PEMT: variants seen among roughly 807,000 people sequenced by gnomAD.
PEMT encodes the protein phosphatidylethanolamine N-methyltransferase, also known as phospholipid methyltransferase.
PEMT carries 23 observed loss-of-function variants against 27.4 expected under a neutral mutation model. The ratio of observed to expected loss-of-function variants is 0.84; its 90% CI spans 0.60 to 1.19. The LOEUF is 1.19. Ranked by LOEUF, PEMT falls within the 50% of genes most tolerant of loss-of-function variation. The probability of loss-of-function intolerance (pLI) is 0.00; values close to 1 mark genes in which losing one functional copy is unlikely to be tolerated. For missense variants in PEMT, 307 were observed against 310.1 expected (o/e 0.99, Z 0.07); for synonymous variants, 137 against 139.1 (o/e 0.98, Z 0.11).
intron 1 of PEMT, among the ~76,000 whole-genome samples, chr17:17,587,271 C>T (rs1418456500): frequency 3.3e-5 from 5 of 151,968 alleles, no homozygotes; most frequent in Admixed American, 1.3e-4. Context: ...ACTGACCTCA[C>T]AAACATTAAA....
chr17:17,570,853 G>T, intron 2 of PEMT: 1 of 985,398 alleles, frequency 1.0e-6, no homozygotes, highest in Non-Finnish European at 1.2e-6. Flanking sequence ...GTCCGCGAGG[G>T]TACAGATCCG....
At chr17:17,591,366 C>T (rs1218562688) in intron 1 of PEMT, 165 bp downstream of exon 1, 50 of 622,016 alleles carry the variant, frequency 8.0e-5, no homozygotes, top group Non-Finnish European at 1.1e-4. Flanking sequence ...CAGACACCAG[C>T]CGGCGCTCCC....
chr17:17,519,743 G>A (rs961217547), intron 3 of PEMT, among the ~76,000 whole-genome samples: 1 of 152,184 alleles, frequency 6.6e-6, no homozygotes, highest in Non-Finnish European at 1.5e-5. Context: ...GGAGGTGATG[G>A]GGAGGACTCA....
Position 17,591,673 on chromosome 17 carries a change from G to T in PEMT, c.-47C>A. 2 of 1,579,658 alleles carry T rather than the reference G, an allele frequency of 1.3e-6. No homozygotes were observed. Among genetic ancestry groups the T allele is most frequent in the Non-Finnish European group, 1.7e-6 (2 of 1,163,206 alleles). On this transcript the variant is annotated 5_prime_UTR_variant, in exon 1 of 7. Transcript: ENST00000255389. The stretch of plus-strand genomic sequence containing the variant: ...ACCACGCGGGCCCCGCTGCAGCCAC[G>T]CGCCCCCGGAACCGGACCTATAGAG...
At chr17:17,572,831 T>C (rs906559219) in intron 2 of PEMT, among the ~76,000 whole-genome samples, 2 of 152,240 alleles carry the variant, frequency 1.3e-5, no homozygotes, top group Admixed American at 6.5e-5. Context: ...TGACATGCAC[T>C]GGGCACAACA....
At chr17:17,536,685 G>A (rs570981740) in intron 2 of PEMT, among the ~76,000 whole-genome samples, 32 of 152,206 alleles carry the variant, frequency 2.1e-4, no homozygotes, top group Non-Finnish European at 4.4e-4. Context: ...TCACCCAGTG[G>A]GAAAGTCAAT....
In PEMT at chr17:17,522,377, T is replaced by C. The variant is rs1026563261; in HGVS notation, c.223A>G (p.Lys75Glu). The C allele has an allele frequency of 3.7e-6, 6 of 1,612,872 alleles. No individual in the cohort carries two copies. In the African/African-American group the frequency reaches 6.7e-5, roughly 18 times the overall value. The change falls in exon 3 of 7, where the codon AAG becomes GAG. Residue 75 changes from lysine (K) to glutamate (E), a missense_variant. Transcript: ENST00000255389. ...YWNVVARWEH[K>E]TRKLSRAFGS... ...AAGGCCCTGCTCAGCTTGCGGGTCT[T>C]GTGTTCCCATCGTGCAACCTAAACC...
rs964385906 is a variant in PEMT, at chr17:17,512,085, G to A, written c.466+424C>T. On this transcript the variant is annotated intron_variant, in intron 4 of 6. Coordinates refer to ENST00000255389, the MANE Select transcript of PEMT (RefSeq NM_148172.3). This position sits in a 1 kb window ranked among gnomAD's most constrained non-coding sequence, Gnocchi z 6.3. ...ATCCTGCCTGGCCTGAGAGCCACGC[G>A]TGCCGGGAGCTGCCAGAGAGGTGGC... Among the ~76,000 whole-genome samples, 9 of 152,186 alleles carry A rather than the reference G, an allele frequency of 5.9e-5. No individual in the cohort carries two copies. Among genetic ancestry groups the A allele is most frequent in the Admixed American group, 3.9e-4 (6 of 15,288 alleles).
intron 2 of PEMT, among the ~76,000 whole-genome samples, chr17:17,546,223 A>G (rs1909252094): frequency 6.6e-6 from 1 of 152,154 alleles, no homozygotes; most frequent in Non-Finnish European, 1.5e-5. Context: ...CACTAACAGG[A>G]GAAGAAAGGA....
At chr17:17,544,498 C>G (rs1407947469) in intron 2 of PEMT, among the ~76,000 whole-genome samples, 1 of 152,076 alleles carries the variant, frequency 6.6e-6, no homozygotes, top group East Asian at 1.9e-4. Flanking sequence ...CCAGGCTGGT[C>G]TTGAACTCCT....
chr17:17,549,088 C>T (rs1042603037), intron 2 of PEMT, among the ~76,000 whole-genome samples: 1 of 152,202 alleles, frequency 6.6e-6, no homozygotes, highest in Admixed American at 6.5e-5. Context: ...CTCACTGCAG[C>T]CTTGACCTCC....
chr17:17,586,296 A>AAGAAAGAAAG (rs2069109496), intron 1 of PEMT, among the ~76,000 whole-genome samples: 4 of 141,950 alleles, frequency 2.8e-5, no homozygotes, highest in Non-Finnish European at 4.6e-5. Flanking sequence ...AAGAAAAAAA[A>AAGAAAGAAAG]AAACGCAGGT....
In PEMT at chr17:17,523,756, A is replaced by G. The variant is rs1046599432; in HGVS notation, c.205-1361T>C. On this transcript the variant is annotated intron_variant, in intron 2 of 6. Coordinates refer to ENST00000255389, the MANE Select transcript of PEMT (RefSeq NM_148172.3). The surrounding 1 kb of genome is among the most constrained non-coding windows in gnomAD (Gnocchi z 4.8). ...TGGGGTGGGGTGGGGGCAGAAGAGG[A>G]GCAGTCTGCAGAGAGCACCGCGGGG... Among the ~76,000 whole-genome samples, 1 of 151,962 alleles carries G rather than the reference A, an allele frequency of 6.6e-6. No homozygotes were observed. The highest frequency in any genetic ancestry group is 1.5e-5 in the Non-Finnish European group (1 of 67,972).
intron 2 of PEMT, among the ~76,000 whole-genome samples, chr17:17,537,324 C>T (rs1260871515): frequency 6.6e-6 from 1 of 152,204 alleles, no homozygotes; most frequent in Non-Finnish European, 1.5e-5. Flanking sequence ...TTCCCCTTGC[C>T]CTGCTACTAA....
intron 3 of PEMT, chr17:17,518,275 C>T: frequency 2.1e-6 from 1 of 469,128 alleles, no homozygotes. Flanking sequence ...CCCTGCCTGG[C>T]CATCCACGCC....
intron 2 of PEMT, among the ~76,000 whole-genome samples, chr17:17,573,735 A>T (rs1426935855): frequency 6.6e-6 from 1 of 152,144 alleles, no homozygotes; most frequent in Non-Finnish European, 1.5e-5. Flanking sequence ...TGCATTGATA[A>T]CTATTAAGTT....
At chr17:17,545,869 T>A (rs1909226113) in intron 2 of PEMT, among the ~76,000 whole-genome samples, 1 of 152,196 alleles carries the variant, frequency 6.6e-6, no homozygotes, top group African/African-American at 2.4e-5. Context: ...TCTACTTTTC[T>A]GTATGCTTAA....
chr17:17,522,290 G>T lies in PEMT; in HGVS notation c.310C>A (p.Arg104Ser). Reference sequence around the variant, plus strand: ...GAGAGCTGTGCTTACCAGTGCGAGCGCAGGAAGTTCAGGAGCAGGATGGTG... The same window carrying T: ...GAGAGCTGTGCTTACCAGTGCGAGCTCAGGAAGTTCAGGAGCAGGATGGTG... ...SVTILLLNFL[R>S]SHCFTQAMLS... The change falls in exon 3 of 7, where the codon CGC (arginine) becomes AGC (serine). Residue 104 changes from arginine (R) to serine (S), a missense_variant. By Grantham distance (110) the Arg-to-Ser change is moderately radical. Coordinates refer to ENST00000255389, the MANE Select transcript of PEMT (RefSeq NM_148172.3). 1 of 1,611,054 alleles carries T rather than the reference G, an allele frequency of 6.2e-7. No homozygotes were observed. Among genetic ancestry groups the T allele is most frequent in the Non-Finnish European group, 8.5e-7 (1 of 1,177,206 alleles).
chr17:17,509,177 T>G (rs1906144918), intron 5 of PEMT, among the ~76,000 whole-genome samples: 1 of 152,276 alleles, frequency 6.6e-6, no homozygotes, highest in Non-Finnish European at 1.5e-5. Flanking sequence ...TGAGCAGCTG[T>G]GACCTGCCTG....
Sources: allele counts gnomAD v4.1 joint callset (sites outside exome capture counted in the v4.1 genomes callset), GRCh38; gene constraint gnomAD v4.1.1; non-coding constraint Gnocchi (gnomAD v3.1); transcripts MANE v1.5; gene names NCBI Gene and HGNC (gene_info 2026-07-23, HGNC 2026-07-21).